The following PRSS23 variants were observed in gnomAD, a reference collection of about 807,000 sequenced individuals.
PRSS23 encodes protease, serine 23.
In PRSS23, 25 loss-of-function variants were observed where a neutral mutation model predicts 34.7. The observed-to-expected ratio is 0.72, with a 90% CI of 0.53 to 1.01. The LOEUF (loss-of-function observed/expected upper bound fraction) is 1.01. PRSS23 is among the 50% of genes least tolerant of loss of function. The probability of loss-of-function intolerance (pLI) is 0.00; values close to 1 mark genes in which losing one functional copy is unlikely to be tolerated. For missense variants in PRSS23, 445 were observed against 475.6 expected (o/e 0.94, Z 0.60); for synonymous variants, 176 against 186.6 (o/e 0.94, Z 0.46).
At chr11:86,879,600 C>T (rs1342296049) in intron 2 of PRSS23, among the ~76,000 whole-genome samples, 3 of 135,232 alleles carry the variant, frequency 2.2e-5, no homozygotes, top group Non-Finnish European at 4.9e-5. Flanking sequence ...GTGAGGGGCG[C>T]CTCTGCCCGG....
intron 2 of PRSS23, among the ~76,000 whole-genome samples, chr11:86,831,035 G>A (rs938549996): frequency 5.3e-5 from 8 of 152,060 alleles, no homozygotes; most frequent in African/African-American, 1.9e-4. Context: ...ATCCTAGGGG[G>A]ATGTTTCTCC....
chr11:86,944,033 G>A (rs1210247439), intron 2 of PRSS23, among the ~76,000 whole-genome samples: 4 of 151,970 alleles, frequency 2.6e-5, no homozygotes, highest in Non-Finnish European at 4.4e-5. Flanking sequence ...GAGCCACTGC[G>A]CCTCGCCCAT....
intron 2 of PRSS23, chr11:86,935,100 G>C (rs1680728885): frequency 2.6e-5 from 4 of 152,212 alleles, no homozygotes; most frequent in Admixed American, 2.6e-4. Context: ...GGTCCACACA[G>C]GGCCCCCAGG....
chr11:86,875,399 T>A (rs937587731), intron 2 of PRSS23, among the ~76,000 whole-genome samples: 46 of 152,048 alleles, frequency 3.0e-4, no homozygotes, highest in African/African-American at 1.0e-3. Flanking sequence ...ATAAATGAAA[T>A]AAAGTGCCAC....
At chr11:86,795,779 C>T (rs576735241), upstream of PRSS23, among the ~76,000 whole-genome samples, 28 of 152,298 alleles carry the variant, frequency 1.8e-4, no homozygotes, top group East Asian at 7.7e-4. Flanking sequence ...ACAAGATCCA[C>T]GTAACACTTT....
intron 1 of PRSS23, among the ~76,000 whole-genome samples, chr11:86,822,620 TAAA>T (rs113888066): frequency 4.9e-5 from 5 of 102,050 alleles, no homozygotes; most frequent in African/African-American, 1.4e-4. Context: ...TGAACCTGAC[TAAA>T]AAAAAAAAAA....
At chr11:86,829,761 C>G (rs535018360) in intron 2 of PRSS23, among the ~76,000 whole-genome samples, 93 of 152,254 alleles carry the variant, frequency 6.1e-4, no homozygotes, top group African/African-American at 2.1e-3. Flanking sequence ...CACTGCAGAC[C>G]CTGTTTGCCT....
chr11:86,858,142 A>AT (rs1948585800), intron 2 of PRSS23, among the ~76,000 whole-genome samples: 1 of 152,000 alleles, frequency 6.6e-6, no homozygotes, highest in African/African-American at 2.4e-5. Flanking sequence ...TATTGTTCCT[A>AT]ATATCCAGTG....
intron 2 of PRSS23, chr11:86,945,954 G>A (rs1334892982): frequency 6.6e-6 from 1 of 152,570 alleles, no homozygotes; most frequent in Non-Finnish European, 1.5e-5. Flanking sequence ...ACCCAAGAAA[G>A]GCCACAGAGC....
At chr11:86,885,330 C>T (rs1445849699) in intron 2 of PRSS23, among the ~76,000 whole-genome samples, 2 of 152,242 alleles carry the variant, frequency 1.3e-5, no homozygotes, top group Non-Finnish European at 2.9e-5. Flanking sequence ...CACCATATGA[C>T]TCTCTTTGTC....
chr11:86,800,882 C>T (rs1423087259), intron 1 of PRSS23, among the ~76,000 whole-genome samples: 1 of 152,146 alleles, frequency 6.6e-6, no homozygotes, highest in Admixed American at 6.5e-5. Flanking sequence ...TGCAGTGTCA[C>T]CCATGAAACG....
intron 2 of PRSS23, among the ~76,000 whole-genome samples, chr11:86,878,609 G>A (rs1590908713): frequency 6.6e-6 from 1 of 152,022 alleles, no homozygotes; most frequent in South Asian, 2.1e-4. Context: ...ATCTCGGCTC[G>A]CTACAACCTC....
intron 1 of PRSS23, among the ~76,000 whole-genome samples, chr11:86,793,590 G>A (rs569774955): frequency 6.6e-6 from 1 of 152,186 alleles, no homozygotes; most frequent in African/African-American, 2.4e-5. Flanking sequence ...ACCCTAAATG[G>A]AAGTTCAGAT....
At chr11:86,821,209 C>G in intron 1 of PRSS23, 1 of 601,908 alleles carries the variant, frequency 1.7e-6, no homozygotes, top group South Asian at 2.0e-5. Flanking sequence ...TGAGGTTATC[C>G]CTGGACATCA....
chr11:86,939,426 ATT>A, intron 2 of PRSS23, among the ~76,000 whole-genome samples: 2 of 94,072 alleles, frequency 2.1e-5, no homozygotes, highest in Non-Finnish European at 4.6e-5. Flanking sequence ...ATATATATAT[ATT>A]TTTTAACATG....
In PRSS23 at chr11:86,872,567, G is replaced by A. The variant is rs141807072; in HGVS notation, c.206+48974G>A. The stretch of plus-strand genomic sequence containing the variant: ...TGTCTCTCTTACAGACAGTGGCCCA[G>A]CATCTAGCACATAGTATGTTTTTTC... On this transcript the variant is annotated intron_variant, in intron 2 of 2. Coordinates refer to the PRSS23 transcript ENST00000533902. 5.8e-4 allele frequency among the ~76,000 whole-genome samples: 88 copies of A among 152,294 alleles called. No individual in the cohort carries two copies. The East Asian group carries it at 0.015, about 26-fold the overall frequency.
At chr11:86,888,586 A>C (rs1364935031) in intron 2 of PRSS23, among the ~76,000 whole-genome samples, 1 of 152,194 alleles carries the variant, frequency 6.6e-6, no homozygotes, top group Non-Finnish European at 1.5e-5. Context: ...ACATGTAAGA[A>C]ACAGATGTTT....
chr11:86,888,409 A>T (rs979077686), intron 2 of PRSS23, among the ~76,000 whole-genome samples: 6 of 152,190 alleles, frequency 3.9e-5, no homozygotes, highest in African/African-American at 1.4e-4. Flanking sequence ...GCCATATTTC[A>T]ACAACTGGGG....
intron 2 of PRSS23, chr11:86,823,729 G>A (rs1948272044): frequency 1.3e-5 from 8 of 629,722 alleles, no homozygotes; most frequent in Middle Eastern, 6.1e-4. Context: ...AGAGCAGGCC[G>A]GGCGCGGTGG....
Sources: gnomAD v4.1 joint callset for allele counts (sites outside exome capture counted in the v4.1 genomes callset) on GRCh38, gnomAD v4.1.1 for gene constraint, MANE v1.5 for transcripts, NCBI Gene and HGNC (gene_info 2026-07-23, HGNC 2026-07-21) for gene names.